The following TXLNB variants were observed in gnomAD, a reference collection of about 807,000 sequenced individuals.
The protein encoded by TXLNB is taxilin beta, also known as beta-taxilin.
Under a neutral mutation model 57.4 loss-of-function variants are expected in TXLNB, and 37 were observed. That is an observed-to-expected ratio of 0.64 (90% CI 0.50 to 0.85). The LOEUF is 0.85. Among genes scored for constraint, TXLNB ranks in the 40% least tolerant of loss-of-function variants. The probability of loss-of-function intolerance (pLI) is 0.00; values close to 1 mark genes in which losing one functional copy is unlikely to be tolerated. For missense variants in TXLNB, 848 were observed against 825.6 expected (o/e 1.03, Z -0.33); for synonymous variants, 302 against 309.6 (o/e 0.98, Z 0.26).
At chr6:139,194,157 G>A in the TXLNB span, among the ~76,000 whole-genome samples, 8 of 152,218 alleles carry the variant, frequency 5.3e-5, no homozygotes, top group East Asian at 3.9e-4. Flanking sequence ...TGGCCAGGAT[G>A]GTCTTGATCT....
At chr6:139,268,409 T>C (rs1162211996) in intron 4 of TXLNB, among the ~76,000 whole-genome samples, 2 of 152,156 alleles carry the variant, frequency 1.3e-5, no homozygotes, top group African/African-American at 2.4e-5. Context: ...TTGTTACTTA[T>C]AGAACACTAC....
At chr6:139,185,811 T>G in the TXLNB span, among the ~76,000 whole-genome samples, 1 of 152,240 alleles carries the variant, frequency 6.6e-6, no homozygotes, top group Non-Finnish European at 1.5e-5. Context: ...CTAGTCCTTT[T>G]TCTTCTACCT....
At chr6:139,210,842 C>T in the TXLNB span, among the ~76,000 whole-genome samples, 3 of 152,392 alleles carry the variant, frequency 2.0e-5, no homozygotes, top group Admixed American at 1.3e-4. Flanking sequence ...ATATCCCGCG[C>T]CTAGCTCGGA....
At chr6:139,172,210 C>T in the TXLNB span, among the ~76,000 whole-genome samples, 3 of 152,172 alleles carry the variant, frequency 2.0e-5, no homozygotes, top group Non-Finnish European at 4.4e-5. Context: ...ATGATCATCC[C>T]ATTTCAGCCT....
At position 139,258,537 on chromosome 6, in the gene TXLNB, C is replaced by T. The variant is rs555387548; in HGVS notation, c.1002+1781G>A. Among the ~76,000 whole-genome samples, 35 of 152,244 alleles carry T rather than the reference C, an allele frequency of 2.3e-4. 1 individual carries two copies. The South Asian group carries it at 3.9e-3, about 17-fold the overall frequency. Reference sequence around the variant, plus strand: ...CATGGACTTCTGATTTGAAATTATCCAATGTCCACCAGATTATGTTGCTCA... The same window carrying T: ...CATGGACTTCTGATTTGAAATTATCTAATGTCCACCAGATTATGTTGCTCA... On this transcript the variant is annotated intron_variant, in intron 6 of 9. Transcript: ENST00000358430.
intron 4 of TXLNB, among the ~76,000 whole-genome samples, chr6:139,265,646 C>T (rs549470551): frequency 4.6e-5 from 7 of 152,286 alleles, no homozygotes; most frequent in Admixed American, 3.9e-4. Context: ...ATCAAGTTGA[C>T]CCTTTTGCAA....
intron 9 of TXLNB, 92 bp from the exon 10 acceptor site, chr6:139,243,406 A>G: frequency 3.0e-6 from 4 of 1,355,206 alleles, no homozygotes; most frequent in East Asian, 2.5e-5. Context: ...AAGCAAAACT[A>G]TTTGTCCCAG....
chr6:139,321,542 CTTTT>C, the TXLNB span, among the ~76,000 whole-genome samples: 3 of 131,440 alleles, frequency 2.3e-5, no homozygotes, highest in Non-Finnish European at 1.6e-5. Context: ...CTGAGCTCTC[CTTTT>C]TTTTTTTTTT....
chr6:139,204,443 G>C, the TXLNB span, among the ~76,000 whole-genome samples: 1 of 152,148 alleles, frequency 6.6e-6, no homozygotes, highest in African/African-American at 2.4e-5. Flanking sequence ...CTCGAGCCCA[G>C]GGAAGCCATC....
At chr6:139,164,063 CACAA>C in the TXLNB span, among the ~76,000 whole-genome samples, 1 of 121,918 alleles carries the variant, frequency 8.2e-6, no homozygotes, top group Non-Finnish European at 1.7e-5. Flanking sequence ...CACACACACA[CACAA>C]ACACACACAC....
the TXLNB span, among the ~76,000 whole-genome samples, chr6:139,218,517 C>T: frequency 1.3e-5 from 2 of 152,088 alleles, no homozygotes; most frequent in Admixed American, 6.6e-5. Flanking sequence ...CTTTGGGAGG[C>T]CAAGGTGGGT....
the TXLNB span, among the ~76,000 whole-genome samples, chr6:139,317,423 G>A: frequency 6.6e-4 from 100 of 151,140 alleles, no homozygotes; most frequent in East Asian, 0.015. Context: ...TTATTGAAAC[G>A]GAGTCTCGCT....
Position 139,272,848 on chromosome 6 carries a change from A to T in TXLNB, c.517-2222T>A, listed in dbSNP as rs186688701. On this transcript the variant is annotated intron_variant, in intron 3 of 9. Coordinates refer to ENST00000358430, the MANE Select transcript of TXLNB (RefSeq NM_153235.4). ...CAGGAGATGGAGACCAGCCTGGCCA[A>T]CATGGTGAAACCTCATCTCTACTAA... 3.0e-4 allele frequency among the ~76,000 whole-genome samples: 46 copies of T among 152,298 alleles called. No homozygotes were observed. The South Asian group carries it at 3.5e-3, about 12-fold the overall frequency.
In TXLNB at chr6:139,288,867, C is replaced by G. The variant is rs767630067; in HGVS notation, c.33G>C (p.Ala11=). 3 of 1,613,976 alleles carry G rather than the reference C, an allele frequency of 1.9e-6. No individual in the cohort carries two copies. The highest frequency in any genetic ancestry group is 2.5e-6 in the Non-Finnish European group (3 of 1,179,984). MEANHSEQLS[A]ERQSTPPGDS... is the part of the protein sequence containing the mutation. ...CACCTGGAGGTGTTGACTGTCGTTC[C>G]GCTGAGAGCTGTTCAGAGTGATTAG... Residue 11 remains alanine, a synonymous_variant, in exon 2 of 10, where the codon GCG becomes GCC. Transcript: ENST00000358430.
the TXLNB span, among the ~76,000 whole-genome samples, chr6:139,224,927 T>C: frequency 6.6e-6 from 1 of 152,152 alleles, no homozygotes; most frequent in Non-Finnish European, 1.5e-5. Context: ...TGAACATAGA[T>C]GCAAGAATCC....
chr6:139,233,911 C>T, the TXLNB span, among the ~76,000 whole-genome samples: 3,148 of 152,176 alleles, frequency 0.021, 45 homozygotes, highest in African/African-American at 0.042. Context: ...GTTTGGAATT[C>T]CCTTCCTAGA....
chr6:139,182,968 A>G, the TXLNB span: 2 of 152,250 alleles, frequency 1.3e-5, no homozygotes, highest in East Asian at 3.8e-4. Flanking sequence ...TTAAAAATTT[A>G]GATATCTAAA....
At chr6:139,303,736 G>A in the TXLNB span, among the ~76,000 whole-genome samples, 39 of 151,304 alleles carry the variant, frequency 2.6e-4, no homozygotes, top group African/African-American at 8.2e-4. Flanking sequence ...TGTAATTTTA[G>A]AACAGAATTA....
chr6:139,270,194 A>G (rs995733398), intron 4 of TXLNB, among the ~76,000 whole-genome samples: 2 of 152,222 alleles, frequency 1.3e-5, no homozygotes, highest in Admixed American at 6.5e-5. Flanking sequence ...TGTGTCAGGT[A>G]CTGTGCGGGT....
Sources: gnomAD v4.1 joint callset for allele counts (sites outside exome capture counted in the v4.1 genomes callset) on GRCh38, gnomAD v4.1.1 for gene constraint, MANE v1.5 for transcripts, NCBI Gene and HGNC (gene_info 2026-07-23, HGNC 2026-07-21) for gene names.